Variants in NINL observed in about 807,000 individuals in gnomAD.
NINL encodes ninein-like protein.
NINL carries 153 observed loss-of-function variants against 160.3 expected under a neutral mutation model. The ratio of observed to expected loss-of-function variants is 0.95; its 90% confidence interval spans 0.84 to 1.09. The LOEUF is 1.09. Ranked by LOEUF, NINL falls within the 50% of genes least tolerant of loss-of-function variation. The pLI is 0.00. For synonymous variants in NINL, 800 were observed against 734.8 expected (o/e 1.09, Z -1.43); for missense variants, 1,829 against 1,764.0 (o/e 1.04, Z -0.66).
At chr20:25,578,400 G>A (rs549758409) in intron 1 of NINL, among the ~76,000 whole-genome samples, 25 of 152,054 alleles carry the variant, frequency 1.6e-4, no homozygotes, top group Non-Finnish European at 3.1e-4. Flanking sequence ...AAGCCACCTC[G>A]CCCGGCCCTG....
chr20:25,583,989 TG>T, intron 1 of NINL, among the ~76,000 whole-genome samples: 2 of 150,730 alleles, frequency 1.3e-5, no homozygotes, highest in Middle Eastern at 6.8e-3. Flanking sequence ...TCGGGGCGGG[TG>T]GGGGGCAAGA....
intron 1 of NINL, among the ~76,000 whole-genome samples, chr20:25,550,717 G>T (rs2064797639): frequency 6.6e-6 from 1 of 152,234 alleles, no homozygotes; most frequent in Non-Finnish European, 1.5e-5. Flanking sequence ...GCAGTAAAGA[G>T]CAGTATTGCT....
intron 1 of NINL, among the ~76,000 whole-genome samples, chr20:25,579,340 G>A (rs977914898): frequency 1.3e-5 from 2 of 152,180 alleles, no homozygotes; most frequent in Admixed American, 6.5e-5. Flanking sequence ...TGAGTACTCC[G>A]TGAAAGAATT....
intron 1 of NINL, among the ~76,000 whole-genome samples, chr20:25,565,785 C>A (rs556499408): frequency 1.3e-5 from 2 of 152,128 alleles, no homozygotes; most frequent in East Asian, 3.9e-4. Context: ...GGGCAGGTAC[C>A]ATCTAATCTG....
At chr20:25,471,423 C>T (rs1434224951) in intron 17 of NINL, among the ~76,000 whole-genome samples, 2 of 152,118 alleles carry the variant, frequency 1.3e-5, no homozygotes, top group African/African-American at 4.8e-5. Flanking sequence ...CAGGAGAGTT[C>T]TGTGTTTTTA....
At chr20:25,504,145 C>G in intron 6 of NINL, 41 bp from the exon 7 acceptor site, 1 of 1,529,538 alleles carries the variant, frequency 6.5e-7, no homozygotes. Context: ...CCCACAAGAG[C>G]TCCACCCAAC....
intron 14 of NINL, among the ~76,000 whole-genome samples, chr20:25,480,705 G>T (rs1386907074): frequency 6.6e-6 from 1 of 152,104 alleles, no homozygotes. Context: ...ACCTTTCCTT[G>T]GTGGCCCTAC....
rs761674628 is a variant in NINL at position 25,476,619 on chromosome 20, G to A, written c.2672C>T (p.Pro891Leu). ...GGATGCCGGGGCAGGGGCGGGGGCC[G>A]GGCTCTGCGTAGCTTCTGTGTCCTG... Reference protein sequence around the residue: ...QAQDTEATQSPAPAPAPASHG... With the variant: ...QAQDTEATQSLAPAPAPASHG... Residue 891 changes from proline to leucine, a missense_variant, in exon 17 of 24, where the codon CCG (proline) becomes CTG (leucine). Pro to Leu is a moderately conservative substitution (Grantham distance 98, BLOSUM62 -3). Transcript: ENST00000278886. The A allele has an allele frequency of 4.1e-5, 66 of 1,592,876 alleles. No individual in the cohort carries two copies. The highest frequency in any genetic ancestry group is 4.2e-5 in the Non-Finnish European group (49 of 1,176,682).
chr20:25,560,379 G>A (rs73337350), intron 1 of NINL, among the ~76,000 whole-genome samples: 4,917 of 152,126 alleles, frequency 0.032, 220 homozygotes, highest in African/African-American at 0.099. Flanking sequence ...AACTTCCTAC[G>A]TGGCCAATCT....
At position 25,479,325 on chromosome 20, in the gene NINL, GCCGAGGTGCCAGGGTGTGCAGAAGGGGA is replaced by G. The variant is rs2063338115; in HGVS notation, c.1918-147_1918-120del. The stretch of plus-strand genomic sequence containing the variant: ...CGTGCAAAGACCGGCATCCTGGCCT[GCCGAGGTGCCAGGGTGTGCAGAAGGGGA>G]CAGTGACATGAATGTTGGTGGTGCT... On this transcript the variant is annotated intron_variant, in intron 15 of 23. Transcript: ENST00000278886. The G allele has an allele frequency of 6.1e-6, 8 of 1,313,562 alleles. No individual in the cohort carries two copies. The South Asian group carries it at 1.1e-4, about 19-fold the overall frequency. The allele number at this position is 1,313,562 out of a possible 1,614,324, so 81.4% of individuals were successfully genotyped here. A position where few individuals can be genotyped will look rare whatever the true frequency, so the allele number is the denominator to read the frequency against.
At position 25,550,584 on chromosome 20, in the gene NINL, A is replaced by G. The variant is rs1056409981; in HGVS notation, c.-11-23986T>C. ...GCAGGACTATAGGGTAATGGCAGGG[A>G]GAGGGTCAGCAGGAAAACATGTGAG... On this transcript the variant is annotated intron_variant, in intron 1 of 23. Coordinates refer to ENST00000278886, the MANE Select transcript of NINL (RefSeq NM_025176.6). Among the ~76,000 whole-genome samples, 1,066 of 152,172 alleles carry G rather than the reference A, an allele frequency of 7.0e-3. 14 individuals are homozygous for G. Among genetic ancestry groups the G allele is most frequent in the African/African-American group, 0.022 (901 of 41,524 alleles).
chr20:25,509,849 A>C, intron 5 of NINL: 1 of 383,998 alleles, frequency 2.6e-6, no homozygotes, highest in Non-Finnish European at 5.1e-6. Context: ...ATTATAGGCA[A>C]ACACAAGATA....
At chr20:25,564,504 G>T (rs1173559606) in intron 1 of NINL, among the ~76,000 whole-genome samples, 5 of 152,108 alleles carry the variant, frequency 3.3e-5, no homozygotes, top group African/African-American at 1.2e-4. Flanking sequence ...TTTTAGTAGA[G>T]ACAGAGTTTC....
rs147085568 is a variant in NINL at position 25,520,718 on chromosome 20, C to T, written c.181-2869G>A. Among the ~76,000 whole-genome samples the T allele has an allele frequency of 1.1e-3, 171 of 152,314 alleles. 3 individuals are homozygous for T. Among genetic ancestry groups the T allele is most frequent in the East Asian group, 7.7e-4 (4 of 5,188 alleles). The stretch of plus-strand genomic sequence containing the variant: ...TAGCATATTGAAGATATCTTTCCAC[C>T]GTCTTCTGACTTCTACTGTTGCATT... On this transcript the variant is annotated intron_variant, in intron 2 of 23. Transcript: ENST00000278886.
At chr20:25,462,642 A>ATTTGTTTTGT (rs113237945) in intron 19 of NINL, 101 bp from the exon 20 acceptor site, 282,479 of 837,220 alleles carry the variant, frequency 0.34, 65,199 homozygotes, top group East Asian at 0.87. Context: ...TTAAGTAGTC[A>ATTTGTTTTGT]TTTGTTTTGT....
Position 25,480,237 on chromosome 20 carries a change from A to G in NINL, c.1841T>C (p.Val614Ala). The G allele has an allele frequency of 6.2e-7, 1 of 1,613,702 alleles. No homozygotes were observed. Among genetic ancestry groups the G allele is most frequent in the Non-Finnish European group, 8.5e-7 (1 of 1,179,864 alleles). ...CATCATCAGCTCCGTTTCTATACTC[A>G]CTGGAGCAGAATTACCCAGGAATGA... ...GISFLGNSAP[V>A]SIETELMMEQ... Residue 614 changes from valine to alanine, a missense_variant, in exon 15 of 24, where the codon GTG becomes GCG. Transcript: ENST00000278886.
At chr20:25,518,803 AT>A (rs1476199675) in intron 2 of NINL, among the ~76,000 whole-genome samples, 1 of 151,890 alleles carries the variant, frequency 6.6e-6, no homozygotes, top group East Asian at 1.9e-4. Context: ...TCTCTTATTA[AT>A]TTAGACGTTA....
intron 1 of NINL, among the ~76,000 whole-genome samples, chr20:25,562,890 G>A (rs2064960399): frequency 6.6e-6 from 1 of 152,208 alleles, no homozygotes; most frequent in South Asian, 2.1e-4. Flanking sequence ...AGAGCAGGCT[G>A]GGCATGATGG....
intron 1 of NINL, among the ~76,000 whole-genome samples, chr20:25,574,606 T>C (rs1466911033): frequency 6.6e-6 from 1 of 152,206 alleles, no homozygotes; most frequent in East Asian, 1.9e-4. Flanking sequence ...AGACAGGTCC[T>C]GGAGCTCCTC....
Sources: gnomAD v4.1 joint callset for allele counts (sites outside exome capture counted in the v4.1 genomes callset) on GRCh38, gnomAD v4.1.1 for gene constraint, MANE v1.5 for transcripts, NCBI Gene and HGNC (gene_info 2026-07-23, HGNC 2026-07-21) for gene names.